Variants in CDC25C observed in about 807,000 individuals in gnomAD.
The protein encoded by CDC25C is M-phase inducer phosphatase 3.
Under a neutral mutation model 52.5 loss-of-function variants are expected in CDC25C, and 48 were observed. The observed-to-expected ratio is 0.91, with a 90% CI of 0.72 to 1.16. CDC25C has a LOEUF of 1.16. Among genes scored for constraint, CDC25C ranks in the 50% most tolerant of loss-of-function variants. The pLI, the probability that CDC25C is intolerant of heterozygous loss-of-function variation, is 0.00. For missense variants in CDC25C, 510 were observed against 566.1 expected (o/e 0.90, Z 1.01); for synonymous variants, 187 against 206.5 (o/e 0.91, Z 0.81).
intron 7 of CDC25C, among the ~76,000 whole-genome samples, chr5:138,307,652 A>G (rs1758123916): frequency 6.6e-6 from 1 of 152,082 alleles, no homozygotes; most frequent in South Asian, 2.1e-4. Context: ...CTATTGTCCA[A>G]ATATTTTTCA....
At chr5:138,337,959 C>G (rs937722265) in exon 1 of CDC25C, 1 of 1,289,486 alleles carries the variant, frequency 7.8e-7, no homozygotes, top group East Asian at 5.6e-5. Context: ...TGTTTACCTT[C>G]TTCCGACATG....
chr5:138,329,737 T>TA (rs1271038142), intron 2 of CDC25C, 90 bp from the exon 3 acceptor site: 1 of 697,458 alleles, frequency 1.4e-6, no homozygotes, highest in East Asian at 3.8e-5. Context: ...TTTTTTTTTT[T>TA]TTTTTTTTTT....
At chr5:138,338,093 T>A in exon 1 of CDC25C, 4 of 1,289,754 alleles carry the variant, frequency 3.1e-6, no homozygotes, top group Non-Finnish European at 4.0e-6. Context: ...GCCAGGCTCG[T>A]TCCCAACAGC....
chr5:138,297,940 C>A (rs924556434), intron 7 of CDC25C, among the ~76,000 whole-genome samples: 5 of 151,688 alleles, frequency 3.3e-5, no homozygotes, highest in Non-Finnish European at 4.4e-5. Context: ...ACAACAAATG[C>A]AATGGCCCTG....
chr5:138,309,715 AT>A (rs56020082), intron 7 of CDC25C, among the ~76,000 whole-genome samples: 286 of 132,822 alleles, frequency 2.2e-3, no homozygotes, highest in African/African-American at 6.5e-3. Flanking sequence ...GGCTCTCAAA[AT>A]TTTTTTTTTT....
chr5:138,331,237 C>G lies in CDC25C; in HGVS notation c.-38-19G>C, dbSNP rs775014997. ...AACCTAGCTAGGAGGAAAACGTCAT[C>G]TAAATCGGTACATCACAGTTCCCTC... On this transcript the variant is annotated intron_variant, in intron 1 of 13. Coordinates refer to ENST00000323760, the MANE Select transcript of CDC25C (RefSeq NM_001790.5). The G allele has an allele frequency of 4.0e-6, 6 of 1,512,586 alleles. No homozygotes were observed. The highest frequency in any genetic ancestry group is 5.5e-6 in the Non-Finnish European group (6 of 1,091,352). 93.7% of individuals were successfully genotyped at this position (1,512,586 alleles called of 1,614,324 possible). A position where few individuals can be genotyped will look rare whatever the true frequency, so the allele number is the denominator to read the frequency against.
At chr5:138,309,956 C>G (rs865942708) in intron 7 of CDC25C, among the ~76,000 whole-genome samples, 2 of 152,142 alleles carry the variant, frequency 1.3e-5, no homozygotes, top group African/African-American at 4.8e-5. Context: ...ATCCACCTGT[C>G]TCGGCCTCCC....
At chr5:138,304,596 C>T (rs2126724367) in intron 7 of CDC25C, among the ~76,000 whole-genome samples, 2 of 151,788 alleles carry the variant, frequency 1.3e-5, no homozygotes, top group Admixed American at 1.3e-4. Flanking sequence ...GCCTTGACCT[C>T]CTGGGCTCAA....
At chr5:138,318,966 G>A (rs943751320) in intron 7 of CDC25C, among the ~76,000 whole-genome samples, 2 of 152,116 alleles carry the variant, frequency 1.3e-5, no homozygotes, top group Non-Finnish European at 2.9e-5. Context: ...CAAACTCAAG[G>A]CTGCAACCAA....
Position 138,292,127 on chromosome 5 carries a change from A to C in CDC25C, c.616-11T>G. ...GCCACTTCTGCTCACCTGTTTGGGAATATTAAACCCCCTAGTTCTTACTCC... is the reference window on the plus strand; with the variant it reads ...GCCACTTCTGCTCACCTGTTTGGGACTATTAAACCCCCTAGTTCTTACTCC... On this transcript the variant is annotated splice_polypyrimidine_tract_variant and intron_variant, in intron 7 of 13. Coordinates refer to ENST00000323760, the MANE Select transcript of CDC25C (RefSeq NM_001790.5). 6.2e-7 allele frequency: 1 copy of C among 1,608,230 alleles called. No individual in the cohort carries two copies. Among genetic ancestry groups the C allele is most frequent in the Non-Finnish European group, 8.5e-7 (1 of 1,177,088 alleles).
chr5:138,292,505 A>T (rs951344182), intron 7 of CDC25C, among the ~76,000 whole-genome samples: 1 of 147,828 alleles, frequency 6.8e-6, no homozygotes, highest in Non-Finnish European at 1.5e-5. Context: ...AAAAAAAAAC[A>T]TAAGTCCATT....
chr5:138,310,286 C>A (rs181757169), intron 7 of CDC25C, among the ~76,000 whole-genome samples: 12 of 152,310 alleles, frequency 7.9e-5, no homozygotes, highest in Non-Finnish European at 1.3e-4. Context: ...ACACTTCGAA[C>A]AAGTGCCATG....
At chr5:138,291,419 CTTT>C (rs572826668) in intron 8 of CDC25C, among the ~76,000 whole-genome samples, 7 of 138,774 alleles carry the variant, frequency 5.0e-5, no homozygotes, top group Admixed American at 1.5e-4. Flanking sequence ...CAACATTTCT[CTTT>C]TTTTTTTTTT....
intron 7 of CDC25C, among the ~76,000 whole-genome samples, chr5:138,313,926 A>C (rs1031324594): frequency 6.6e-6 from 1 of 151,660 alleles, no homozygotes; most frequent in Non-Finnish European, 1.5e-5. Context: ...CTCAGGGTAA[A>C]GTCAAAAATA....
intron 7 of CDC25C, among the ~76,000 whole-genome samples, chr5:138,318,053 G>A (rs1025729010): frequency 6.6e-6 from 1 of 152,198 alleles, no homozygotes; most frequent in African/African-American, 2.4e-5. Context: ...GTTACGCCAG[G>A]CGTGGTGGCT....
Position 138,285,363 on chromosome 5 carries a change from G to A in CDC25C, c.*329C>T, listed in dbSNP as rs1469772277. 2 of 261,108 alleles carry A rather than the reference G, an allele frequency of 7.7e-6. No homozygotes were observed. The highest frequency in any genetic ancestry group is 1.5e-5 in the Non-Finnish European group (2 of 137,584). The allele number at this position is 261,108 out of a possible 1,614,324, so 16.2% of individuals were successfully genotyped here. A position where few individuals can be genotyped will look rare whatever the true frequency, so the allele number is the denominator to read the frequency against. Reference sequence around the variant, plus strand: ...AAGAAAGAAGGTAGACAACGCTCTTGCATAGCCCGAAGCCCAGAGAGAAAG... The same window carrying A: ...AAGAAAGAAGGTAGACAACGCTCTTACATAGCCCGAAGCCCAGAGAGAAAG... On this transcript the variant is annotated 3_prime_UTR_variant, in exon 14 of 14. Transcript: ENST00000323760.
At chr5:138,332,414 T>A (rs901744039), upstream of CDC25C, among the ~76,000 whole-genome samples, 3 of 152,142 alleles carry the variant, frequency 2.0e-5, no homozygotes, top group Admixed American at 2.0e-4. Context: ...TTTCTTTTAG[T>A]GTGCAGCATC....
At position 138,331,737 on chromosome 5, in the gene CDC25C, G is replaced by A; in HGVS notation, c.-181C>T. 1.0e-6 allele frequency: 1 copy of A among 989,114 alleles called. No individual in the cohort carries two copies. 61.3% of individuals were successfully genotyped at this position (989,114 alleles called of 1,614,324 possible). On this transcript the variant is annotated 5_prime_UTR_variant, in exon 1 of 14. Coordinates refer to ENST00000323760, the MANE Select transcript of CDC25C (RefSeq NM_001790.5). ...GATTGCAGCTCTGCCTTCCGACTGG[G>A]TAGGCCAACGTCGGACTCAGAGTCT... is the stretch of plus-strand genomic sequence containing the variant.
chr5:138,287,290 T>C, intron 10 of CDC25C, 23 bp from the exon 11 acceptor site: 3 of 1,548,774 alleles, frequency 1.9e-6, no homozygotes, highest in Non-Finnish European at 2.7e-6. Context: ...AATGACTGAA[T>C]ATTCTGCTCA....
Sources: allele counts gnomAD v4.1 joint callset (sites outside exome capture counted in the v4.1 genomes callset), GRCh38; gene constraint gnomAD v4.1.1; transcripts MANE v1.5; gene names NCBI Gene and HGNC (gene_info 2026-07-23, HGNC 2026-07-21).